Variants in PCNX2 observed in about 807,000 individuals in gnomAD.
PCNX2 encodes the protein pecanex-like protein 2.
A neutral mutation model predicts 223.8 loss-of-function variants in PCNX2; 168 were observed. The observed-to-expected ratio is 0.75, with a 90% CI of 0.66 to 0.85. The LOEUF is 0.85. Ranked by LOEUF, PCNX2 falls within the 40% of genes least tolerant of loss-of-function variation. The pLI is 0.00. For missense variants in PCNX2, 2,507 were observed against 2,675.5 expected (o/e 0.94, Z 1.39); for synonymous variants, 1,006 against 1,052.6 (o/e 0.96, Z 0.86).
rs374948447 is a variant in PCNX2 at position 233,000,297 on chromosome 1, C to G, written c.5328+8G>C. 2.5e-5 allele frequency: 40 copies of G among 1,613,356 alleles called. No individual in the cohort carries two copies. In the African/African-American group the frequency reaches 5.3e-4, roughly 22 times the overall value. On this transcript the variant is annotated splice_region_variant and intron_variant, in intron 30 of 33. Coordinates refer to ENST00000258229, the MANE Select transcript of PCNX2 (RefSeq NM_014801.4). The surrounding 1 kb of genome is among the most constrained non-coding windows in gnomAD (Gnocchi z 4.6). ...CAACAGGGGACCCAGAAAGTGTGGC[C>G]GCCATACCTTGATCACCTTGAAGCT...
At chr1:233,105,726 T>A (rs1446194142) in intron 21 of PCNX2, among the ~76,000 whole-genome samples, 1 of 152,198 alleles carries the variant, frequency 6.6e-6, no homozygotes, top group Non-Finnish European at 1.5e-5. Context: ...AAGCCCTGAT[T>A]CTTTGATTAG....
chr1:233,186,906 C>T (rs1258781445), intron 15 of PCNX2, among the ~76,000 whole-genome samples: 1 of 152,198 alleles, frequency 6.6e-6, no homozygotes, highest in African/African-American at 2.4e-5. Context: ...CACACACACA[C>T]ACAAATACGT....
intron 8 of PCNX2, among the ~76,000 whole-genome samples, chr1:233,242,891 C>G (rs902342544): frequency 1.6e-4 from 24 of 152,330 alleles, no homozygotes; most frequent in African/African-American, 5.8e-4. Context: ...ATAAAATACT[C>G]AAGTGGATTT....
intron 15 of PCNX2, among the ~76,000 whole-genome samples, chr1:233,179,504 C>T (rs1330356795): frequency 6.6e-6 from 1 of 152,018 alleles, no homozygotes; most frequent in Non-Finnish European, 1.5e-5. Context: ...TAATAATTAA[C>T]AATTATAATA....
intron 28 of PCNX2, among the ~76,000 whole-genome samples, chr1:233,004,116 G>A (rs2102801629): frequency 6.6e-6 from 1 of 151,766 alleles, no homozygotes; most frequent in South Asian, 2.1e-4. Flanking sequence ...TTCTGCACAT[G>A]TATCCCAGAA....
chr1:233,218,106 G>A lies in PCNX2; in HGVS notation c.2583C>T (p.Ser861=), dbSNP rs376297148. 10 of 1,562,044 alleles carry A rather than the reference G, an allele frequency of 6.4e-6. No individual in the cohort carries two copies. Among genetic ancestry groups the A allele is most frequent in the South Asian group, 1.2e-5 (1 of 84,894 alleles). ...LVSLLGFLTL[S]QGFCKDMWVL... ...CCCACATATCTTTGCAAAAGCCTTG[G>A]CTCAAGGTCAGAAATCCAAGGAGGG... is the stretch of plus-strand genomic sequence containing the variant. Residue 861 remains serine, a synonymous_variant, in exon 11 of 34, where the codon AGC becomes AGT. Coordinates refer to ENST00000258229, the MANE Select transcript of PCNX2 (RefSeq NM_014801.4).
intron 23 of PCNX2, among the ~76,000 whole-genome samples, chr1:233,066,408 T>C (rs1289345611): frequency 6.6e-6 from 1 of 152,200 alleles, no homozygotes; most frequent in Non-Finnish European, 1.5e-5. Flanking sequence ...TGGGGCTTTT[T>C]CTGGTTGCTG....
chr1:233,313,733 T>C, the PCNX2 span, among the ~76,000 whole-genome samples: 15 of 151,890 alleles, frequency 9.9e-5, no homozygotes, highest in African/African-American at 2.7e-4. Flanking sequence ...CAACCAAAAA[T>C]GGACAAAGAA....
At chr1:233,174,646 C>A (rs936440016) in intron 17 of PCNX2, among the ~76,000 whole-genome samples, 2 of 151,394 alleles carry the variant, frequency 1.3e-5, no homozygotes, top group Admixed American at 6.6e-5. Context: ...ATTAAATAGG[C>A]TTTTTTTTGT....
intron 1 of PCNX2, among the ~76,000 whole-genome samples, chr1:233,268,202 G>A (rs113551234): frequency 0.025 from 3,750 of 152,226 alleles, 161 homozygotes; most frequent in African/African-American, 0.086. Context: ...TTGAGCCACC[G>A]CGCCTGGTTT....
intron 10 of PCNX2, among the ~76,000 whole-genome samples, chr1:233,220,405 G>C (rs1657294990): frequency 6.6e-6 from 1 of 152,224 alleles, no homozygotes; most frequent in African/African-American, 2.4e-5. Context: ...CCCACCAGCA[G>C]TGAATGAGCG....
intron 15 of PCNX2, among the ~76,000 whole-genome samples, chr1:233,188,152 CA>C (rs1680210205): frequency 6.6e-6 from 1 of 152,154 alleles, no homozygotes; most frequent in Non-Finnish European, 1.5e-5. Context: ...GTCCTCTGCC[CA>C]GGGTCTCCTA....
intron 12 of PCNX2, among the ~76,000 whole-genome samples, chr1:233,217,443 A>T (rs1355988533): frequency 6.6e-6 from 1 of 152,182 alleles, no homozygotes; most frequent in Middle Eastern, 3.2e-3. Context: ...CTGTTATAGC[A>T]CATTAAATGG....
At chr1:233,105,439 C>T (rs761817457) in intron 21 of PCNX2, among the ~76,000 whole-genome samples, 45 of 152,114 alleles carry the variant, frequency 3.0e-4, no homozygotes, top group Non-Finnish European at 5.3e-4. Context: ...GCAATAAACA[C>T]TGTATTTAGC....
intron 1 of PCNX2, chr1:233,291,054 G>A (rs757800469): frequency 1.2e-4 from 121 of 985,326 alleles, no homozygotes; most frequent in Middle Eastern, 5.2e-4. Context: ...GTGGCTCCAC[G>A]GTTTCACAGC....
At chr1:233,186,660 T>G (rs1680115352) in intron 15 of PCNX2, among the ~76,000 whole-genome samples, 1 of 152,218 alleles carries the variant, frequency 6.6e-6, no homozygotes, top group African/African-American at 2.4e-5. Flanking sequence ...AACAATTATG[T>G]GAACACATAT....
At chr1:233,058,665 C>CT (rs771648037) in intron 23 of PCNX2, 5,138 of 119,770 alleles carry the variant, frequency 0.043, 448 homozygotes, top group African/African-American at 0.14. Context: ...CTTTTCTTTT[C>CT]TTTTTTTTTT....
At chr1:232,992,555 C>G (rs1306200116) in intron 32 of PCNX2, among the ~76,000 whole-genome samples, 7 of 152,164 alleles carry the variant, frequency 4.6e-5, no homozygotes, top group Admixed American at 4.6e-4. Context: ...AAGCAGCATC[C>G]CTGGGGCCAG....
intron 20 of PCNX2, among the ~76,000 whole-genome samples, chr1:233,135,667 T>A (rs1676762729): frequency 6.6e-6 from 1 of 152,148 alleles, no homozygotes; most frequent in South Asian, 2.1e-4. Flanking sequence ...GAGAAAAGAA[T>A]CCAATTCGAA....
Sources: gnomAD v4.1 joint callset for allele counts (sites outside exome capture counted in the v4.1 genomes callset) on GRCh38, gnomAD v4.1.1 for gene constraint, Gnocchi (gnomAD v3.1) non-coding constraint, MANE v1.5 for transcripts, NCBI Gene and HGNC (gene_info 2026-07-23, HGNC 2026-07-21) for gene names.